Variants in KIRREL3 observed in about 807,000 individuals in gnomAD.
KIRREL3 encodes the protein kin of IRRE-like protein 3.
Under a neutral mutation model 89.7 loss-of-function variants are expected in KIRREL3, and 36 were observed. The observed-to-expected ratio is 0.40, with a 90% CI of 0.31 to 0.53. The LOEUF is 0.53. Among genes scored for constraint, KIRREL3 ranks in the 20% least tolerant of loss-of-function variants. The pLI is 0.49. For synonymous variants in KIRREL3, 445 were observed against 441.4 expected (o/e 1.01, Z -0.10); for missense variants, 864 against 1,056.6 (o/e 0.82, Z 2.53).
intron 1 of KIRREL3, among the ~76,000 whole-genome samples, chr11:126,926,847 A>AT (rs957247545): frequency 6.6e-6 from 1 of 152,100 alleles, no homozygotes; most frequent in East Asian, 1.9e-4. Flanking sequence ...ATCGCTATGG[A>AT]TTTTTCCCCC....
At chr11:126,933,077 G>A (rs1469099128) in intron 1 of KIRREL3, among the ~76,000 whole-genome samples, 1 of 152,164 alleles carries the variant, frequency 6.6e-6, no homozygotes, top group Admixed American at 6.5e-5. Context: ...ATCTGCATTT[G>A]GAAGGGGTGG....
chr11:126,541,403 G>A lies in KIRREL3; in HGVS notation c.134-14716C>T, dbSNP rs1938356561. Among the ~76,000 whole-genome samples the A allele has an allele frequency of 6.6e-6, 1 of 151,522 alleles. No homozygotes were observed. The highest frequency in any genetic ancestry group is 1.5e-5 in the Non-Finnish European group (1 of 68,002). ...TATCCAAAATCCTATTTCGGGGGTG[G>A]GGGGTGGTCCTAAGGTTGAAAATAA... On this transcript the variant is annotated intron_variant, in intron 2 of 16. Coordinates refer to ENST00000525144, the MANE Select transcript of KIRREL3 (RefSeq NM_032531.4). The surrounding 1 kb of genome is among the most constrained non-coding windows in gnomAD (Gnocchi z 4.8).
At chr11:126,835,985 C>T (rs1808328564) in intron 1 of KIRREL3, among the ~76,000 whole-genome samples, 1 of 152,148 alleles carries the variant, frequency 6.6e-6, no homozygotes, top group Admixed American at 6.5e-5. Flanking sequence ...TTTGACGATA[C>T]TTGGTATGAA....
chr11:126,546,684 C>A (rs888360774), intron 2 of KIRREL3, among the ~76,000 whole-genome samples: 1 of 152,240 alleles, frequency 6.6e-6, no homozygotes, highest in Non-Finnish European at 1.5e-5. Context: ...CCCCTTCCCT[C>A]CCCAGCACAC....
At chr11:126,959,175 C>T (rs769875143) in intron 1 of KIRREL3, among the ~76,000 whole-genome samples, 11 of 152,246 alleles carry the variant, frequency 7.2e-5, no homozygotes, top group Non-Finnish European at 1.0e-4. Flanking sequence ...ACTAGAACAG[C>T]TCTTCTGGGT....
chr11:126,701,484 G>C (rs1947311533), intron 1 of KIRREL3, among the ~76,000 whole-genome samples: 1 of 152,146 alleles, frequency 6.6e-6, no homozygotes, highest in Admixed American at 6.5e-5. Flanking sequence ...CTTCTTGGTG[G>C]CTTGGAGCTT....
intron 1 of KIRREL3, among the ~76,000 whole-genome samples, chr11:126,852,685 C>T (rs976501326): frequency 2.0e-5 from 3 of 152,192 alleles, no homozygotes; most frequent in Non-Finnish European, 2.9e-5. Context: ...TAAGACATTA[C>T]GTCTGAGCTG....
rs374909876 is a variant in KIRREL3 at position 126,593,289 on chromosome 11, G to A, written c.56-30377C>T. Reference sequence around the variant, plus strand: ...CTCAGCCATTGTTAACTGGTGACTTGAAAATTACCTTTATTTAGCACCGTT... The same window carrying A: ...CTCAGCCATTGTTAACTGGTGACTTAAAAATTACCTTTATTTAGCACCGTT... On this transcript the variant is annotated intron_variant, in intron 1 of 16. Coordinates refer to ENST00000525144, the MANE Select transcript of KIRREL3 (RefSeq NM_032531.4). Among the ~76,000 whole-genome samples, 190 of 152,326 alleles carry A rather than the reference G, an allele frequency of 1.2e-3. 2 individuals carry two copies. Among genetic ancestry groups the A allele is most frequent in the African/African-American group, 4.4e-3 (184 of 41,562 alleles).
chr11:126,758,861 T>C (rs886809154), intron 1 of KIRREL3, among the ~76,000 whole-genome samples: 1 of 152,230 alleles, frequency 6.6e-6, no homozygotes, highest in African/African-American at 2.4e-5. Context: ...GGCATACTGT[T>C]ATTTTTTTAA....
rs1455477142 is a variant in KIRREL3, at chr11:126,970,683, T to G, written c.55+29772A>C. Among the ~76,000 whole-genome samples, 2 of 152,212 alleles carry G rather than the reference T, an allele frequency of 1.3e-5. No homozygotes were observed. Among genetic ancestry groups the G allele is most frequent in the Non-Finnish European group, 2.9e-5 (2 of 68,024 alleles). On this transcript the variant is annotated intron_variant, in intron 1 of 16. Transcript: ENST00000525144. This position sits in a 1 kb window ranked among gnomAD's most constrained non-coding sequence, Gnocchi z 4.4. Reference sequence around the variant, plus strand: ...TTGTGATGGGATTTTTTCTATTATATGTAAAATGATAAACATACAGCATTT... The same window carrying G: ...TTGTGATGGGATTTTTTCTATTATAGGTAAAATGATAAACATACAGCATTT...
chr11:126,467,396 T>C (rs10893512), intron 5 of KIRREL3, among the ~76,000 whole-genome samples: 11,858 of 152,204 alleles, frequency 0.078, 699 homozygotes, highest in East Asian at 0.25. Flanking sequence ...GGCTGGCCAC[T>C]CTGCTCTTTC....
rs1306937951 is a variant in KIRREL3 at position 126,906,797 on chromosome 11, C to T, written c.55+93658G>A. 6.6e-6 allele frequency among the ~76,000 whole-genome samples: 1 copy of T among 152,196 alleles called. No homozygotes were observed. Reference sequence around the variant, plus strand: ...GTGCAAGGCTGCCTGTGGCTTCTTCCTGGGACGTCTGCTCTGCCTCCTGAA... The same window carrying T: ...GTGCAAGGCTGCCTGTGGCTTCTTCTTGGGACGTCTGCTCTGCCTCCTGAA... On this transcript the variant is annotated intron_variant, in intron 1 of 16. Coordinates refer to ENST00000525144, the MANE Select transcript of KIRREL3 (RefSeq NM_032531.4). The surrounding 1 kb of genome is among the most constrained non-coding windows in gnomAD (Gnocchi z 4.1).
chr11:126,861,934 AC>A (rs1944719822), intron 1 of KIRREL3, among the ~76,000 whole-genome samples: 1 of 152,150 alleles, frequency 6.6e-6, no homozygotes, highest in African/African-American at 2.4e-5. Context: ...CTGTCTCTAA[AC>A]CTTTCCCATC....
chr11:126,741,896 C>T (rs1025807561), intron 1 of KIRREL3, among the ~76,000 whole-genome samples: 7 of 152,204 alleles, frequency 4.6e-5, no homozygotes, highest in African/African-American at 7.2e-5. Flanking sequence ...CAATGCCATA[C>T]GGCTAGGTGA....
chr11:126,688,685 TAC>T (rs1471574585), intron 1 of KIRREL3, among the ~76,000 whole-genome samples: 1 of 152,214 alleles, frequency 6.6e-6, no homozygotes, highest in Non-Finnish European at 1.5e-5. Context: ...TTGGAATATA[TAC>T]AGTCAGTTTT....
At chr11:126,457,575 G>C (rs1432571274) in intron 6 of KIRREL3, among the ~76,000 whole-genome samples, 1 of 152,068 alleles carries the variant, frequency 6.6e-6, no homozygotes, top group Admixed American at 6.6e-5. Flanking sequence ...CAGGGACAGG[G>C]AGAGACATGG....
rs1161896264 is a variant in KIRREL3, at chr11:126,553,963, C to T, written c.133+8872G>A. 1.3e-5 allele frequency among the ~76,000 whole-genome samples: 2 copies of T among 152,208 alleles called. No individual in the cohort carries two copies. The highest frequency in any genetic ancestry group is 2.9e-5 in the Non-Finnish European group (2 of 68,044). The stretch of plus-strand genomic sequence containing the variant: ...TTGGTGTCCATTCACATTGGAACTG[C>T]TGTCTGTCAACCAAACAGCTCCTGA... On this transcript the variant is annotated intron_variant, in intron 2 of 16. Transcript: ENST00000525144. The surrounding 1 kb of genome is among the most constrained non-coding windows in gnomAD (Gnocchi z 4.7).
At chr11:126,444,399 G>A (rs1281791791) in intron 10 of KIRREL3, among the ~76,000 whole-genome samples, 2 of 152,198 alleles carry the variant, frequency 1.3e-5, no homozygotes, top group Non-Finnish European at 2.9e-5. Context: ...TTGGGAGGCC[G>A]AGGCAGGTGG....
intron 1 of KIRREL3, among the ~76,000 whole-genome samples, chr11:126,599,658 G>C (rs1180901555): frequency 2.0e-5 from 3 of 152,184 alleles, no homozygotes; most frequent in Non-Finnish European, 4.4e-5. Context: ...GCCTCTGAAG[G>C]GGACTTGCTT....
Sources: gnomAD v4.1 joint callset for allele counts (sites outside exome capture counted in the v4.1 genomes callset) on GRCh38, gnomAD v4.1.1 for gene constraint, Gnocchi (gnomAD v3.1) non-coding constraint, MANE v1.5 for transcripts, NCBI Gene and HGNC (gene_info 2026-07-23, HGNC 2026-07-21) for gene names.